The following GABRB1 variants were observed in gnomAD, a reference collection of about 807,000 sequenced individuals.
GABRB1 encodes the protein gamma-aminobutyric acid type A receptor subunit beta1.
GABRB1 carries 17 observed loss-of-function variants against 51.6 expected under a neutral mutation model. The observed-to-expected ratio is 0.33, with a 90% CI of 0.23 to 0.49. GABRB1 has a LOEUF of 0.49. GABRB1 is among the 20% of genes least tolerant of loss of function. The pLI is 0.99. For synonymous variants in GABRB1, 247 were observed against 218.9 expected (o/e 1.13, Z -1.14); for missense variants, 410 against 600.6 (o/e 0.68, Z 3.32).
At chr4:47,265,737 C>T (rs1253276986) in intron 4 of GABRB1, among the ~76,000 whole-genome samples, 2 of 152,030 alleles carry the variant, frequency 1.3e-5, no homozygotes, top group African/African-American at 2.4e-5. Context: ...ATTTATATGC[C>T]TTCTTTTGAG....
chr4:47,329,380 A>T (rs1486710820), intron 5 of GABRB1, among the ~76,000 whole-genome samples: 1 of 150,308 alleles, frequency 6.7e-6, no homozygotes, highest in Non-Finnish European at 1.5e-5. Flanking sequence ...AGAATAAAAT[A>T]TATAATGTAT....
At chr4:47,079,126 T>C (rs1017707075) in intron 3 of GABRB1, among the ~76,000 whole-genome samples, 2 of 152,196 alleles carry the variant, frequency 1.3e-5, no homozygotes, top group Non-Finnish European at 2.9e-5. Flanking sequence ...GCTGGCCTCA[T>C]AAAATGAGTT....
chr4:47,127,047 T>C (rs1207031129), intron 3 of GABRB1, among the ~76,000 whole-genome samples: 1 of 151,918 alleles, frequency 6.6e-6, no homozygotes. Flanking sequence ...TCCTTTTCCA[T>C]GTTATTTTTA....
intron 4 of GABRB1, among the ~76,000 whole-genome samples, chr4:47,218,002 C>T (rs777256340): frequency 2.6e-5 from 4 of 151,754 alleles, no homozygotes; most frequent in Non-Finnish European, 5.9e-5. Context: ...CTCATCCCTT[C>T]CCAGCCCCTG....
At chr4:47,094,951 T>C (rs982889515) in intron 3 of GABRB1, among the ~76,000 whole-genome samples, 1 of 151,954 alleles carries the variant, frequency 6.6e-6, no homozygotes, top group African/African-American at 2.4e-5. Flanking sequence ...GGACTCAACT[T>C]GAAAGAGAAT....
At chr4:47,261,128 G>C (rs917663345) in intron 4 of GABRB1, among the ~76,000 whole-genome samples, 4 of 152,144 alleles carry the variant, frequency 2.6e-5, no homozygotes, top group African/African-American at 7.2e-5. Context: ...CATTCCCTTT[G>C]AAAACTGGCA....
intron 4 of GABRB1, among the ~76,000 whole-genome samples, chr4:47,264,058 C>G (rs1312408726): frequency 2.6e-5 from 4 of 152,028 alleles, no homozygotes. Context: ...GGGAGGATCA[C>G]TTGAGCCCAG....
At chr4:47,339,823 GCACACACACA>G (rs150988131) in intron 5 of GABRB1, among the ~76,000 whole-genome samples, 3 of 141,882 alleles carry the variant, frequency 2.1e-5, no homozygotes, top group South Asian at 2.4e-4. Context: ...ATAAATAAAT[GCACACACACA>G]CACACACACA....
chr4:47,366,517 A>G (rs561339229), intron 5 of GABRB1, among the ~76,000 whole-genome samples: 2 of 152,328 alleles, frequency 1.3e-5, no homozygotes, highest in East Asian at 3.9e-4. Flanking sequence ...CTCATTGTCC[A>G]TAGGATAAAT....
intron 5 of GABRB1, among the ~76,000 whole-genome samples, chr4:47,400,531 T>A (rs892277093): frequency 7.0e-6 from 1 of 143,290 alleles, no homozygotes; most frequent in Non-Finnish European, 1.6e-5. Flanking sequence ...AGGTAGTCTC[T>A]CTCTCTCTCT....
At chr4:47,028,872 C>CATAT (rs148076348), upstream of GABRB1, among the ~76,000 whole-genome samples, 3 of 138,378 alleles carry the variant, frequency 2.2e-5, no homozygotes, top group Admixed American at 7.7e-5. Flanking sequence ...GTATATATAC[C>CATAT]ATATATATAT....
intron 3 of GABRB1, among the ~76,000 whole-genome samples, chr4:47,061,290 T>TA (rs2109527866): frequency 6.6e-6 from 1 of 152,270 alleles, no homozygotes; most frequent in East Asian, 1.9e-4. Flanking sequence ...TTGTGCTTTT[T>TA]AAAAAAATTG....
chr4:47,002,003 C>T (rs111442435), intron 1 of GABRB1, among the ~76,000 whole-genome samples: 261 of 152,218 alleles, frequency 1.7e-3, no homozygotes, highest in African/African-American at 5.6e-3. Flanking sequence ...CAGTTTTTTA[C>T]GACACAGTAA....
intron 1 of GABRB1, among the ~76,000 whole-genome samples, chr4:47,006,083 C>T (rs1724389952): frequency 6.6e-6 from 1 of 151,262 alleles, no homozygotes; most frequent in Non-Finnish European, 1.5e-5. Context: ...ATTTTTCTGA[C>T]TCATTTTGAC....
At chr4:47,316,870 A>C (rs1289308577) in intron 4 of GABRB1, among the ~76,000 whole-genome samples, 1 of 151,970 alleles carries the variant, frequency 6.6e-6, no homozygotes, top group Non-Finnish European at 1.5e-5. Context: ...AAATGCAATA[A>C]AAAATAAATT....
intron 5 of GABRB1, among the ~76,000 whole-genome samples, chr4:47,377,075 T>C (rs1446137367): frequency 6.6e-6 from 1 of 152,224 alleles, no homozygotes; most frequent in Non-Finnish European, 1.5e-5. Context: ...CATTGATTTG[T>C]TTATAACAAA....
intron 3 of GABRB1, among the ~76,000 whole-genome samples, chr4:47,075,524 G>T (rs1577884234): frequency 6.6e-6 from 1 of 152,106 alleles, no homozygotes; most frequent in African/African-American, 2.4e-5. Context: ...ATACAGGAAG[G>T]AATAACAGTT....
intron 5 of GABRB1, among the ~76,000 whole-genome samples, chr4:47,349,970 T>G (rs2109996592): frequency 6.6e-6 from 1 of 152,136 alleles, no homozygotes; most frequent in African/African-American, 2.4e-5. Context: ...TTACAGATTG[T>G]AGAAACATTT....
At chr4:47,246,062 C>T (rs1721725079) in intron 4 of GABRB1, among the ~76,000 whole-genome samples, 1 of 142,208 alleles carries the variant, frequency 7.0e-6, no homozygotes, top group African/African-American at 2.7e-5. Flanking sequence ...TATCCCTTAC[C>T]CTCTCTCATT....
Sources: allele counts gnomAD v4.1 joint callset (sites outside exome capture counted in the v4.1 genomes callset), GRCh38; gene constraint gnomAD v4.1.1; transcripts MANE v1.5; gene names NCBI Gene and HGNC (gene_info 2026-07-23, HGNC 2026-07-21).